The following NAV3 variants were observed in gnomAD, a reference collection of about 807,000 sequenced individuals.
NAV3 encodes neuron navigator 3, also known as pore membrane and/or filament interacting like protein 1.
A neutral mutation model predicts 244.7 loss-of-function variants in NAV3; 87 were observed. The ratio of observed to expected loss-of-function variants is 0.36; its 90% CI spans 0.30 to 0.42. The LOEUF is 0.42. NAV3 is among the 20% of genes least tolerant of loss of function. The probability of loss-of-function intolerance (pLI) is 1.00; values close to 1 mark genes in which losing one functional copy is unlikely to be tolerated. For missense variants in NAV3, 2,663 were observed against 2,893.3 expected (o/e 0.92, Z 1.83); for synonymous variants, 1,126 against 1,042.2 (o/e 1.08, Z -1.55).
intron 2 of NAV3, among the ~76,000 whole-genome samples, chr12:77,603,720 A>C (rs573382291): frequency 3.3e-5 from 5 of 152,180 alleles, no homozygotes; most frequent in African/African-American, 1.2e-4. Flanking sequence ...TGAACCTTGA[A>C]TTGTGGGTGG....
At chr12:77,691,905 C>T (rs1875050608) in intron 2 of NAV3, among the ~76,000 whole-genome samples, 1 of 151,812 alleles carries the variant, frequency 6.6e-6, no homozygotes, top group Non-Finnish European at 1.5e-5. Flanking sequence ...ACATCACTTT[C>T]CTATGTTATA....
At chr12:77,811,771 G>A (rs916066394) in intron 2 of NAV3, among the ~76,000 whole-genome samples, 3 of 152,146 alleles carry the variant, frequency 2.0e-5, no homozygotes, top group African/African-American at 4.8e-5. Flanking sequence ...GTGGATAGGT[G>A]GAAAGAAGGA....
In NAV3 at chr12:77,678,374, C is replaced by T. The variant is rs144191078; in HGVS notation, c.72+106108C>T. Among the ~76,000 whole-genome samples the T allele has an allele frequency of 2.4e-4, 36 of 151,996 alleles. 1 individual carries two copies. The highest frequency in any genetic ancestry group is 6.5e-4 in the African/African-American group (27 of 41,454). ...CACTTAAACTTTTAACGTTTACTAA[C>T]GTATTTTAATGGAAATTATTGTTTC... On this transcript the variant is annotated intron_variant, in intron 2 of 8. Transcript: ENST00000550042.
intron 3 of NAV3, chr12:77,950,920 A>G (rs1207448902): frequency 2.0e-5 from 3 of 152,242 alleles, no homozygotes; most frequent in Admixed American, 1.3e-4. Flanking sequence ...AATTAATTCA[A>G]GATGGATTAA....
intron 19 of NAV3, among the ~76,000 whole-genome samples, chr12:78,139,988 A>G (rs1045266168): frequency 2.6e-5 from 4 of 152,110 alleles, no homozygotes; most frequent in African/African-American, 4.8e-5. Flanking sequence ...TATTTATTAT[A>G]TGGGAATTTA....
chr12:77,690,931 C>T (rs1160233475), intron 2 of NAV3, among the ~76,000 whole-genome samples: 1 of 150,862 alleles, frequency 6.6e-6, no homozygotes, highest in Non-Finnish European at 1.5e-5. Context: ...CTAAGGTCTT[C>T]AAAATGCCTC....
At chr12:77,651,423 T>C (rs568818253) in intron 2 of NAV3, among the ~76,000 whole-genome samples, 1 of 152,314 alleles carries the variant, frequency 6.6e-6, no homozygotes, top group African/African-American at 2.4e-5. Context: ...CCCGTGCCTT[T>C]TTTTTCTTCA....
intron 2 of NAV3, among the ~76,000 whole-genome samples, chr12:77,639,732 G>C (rs1872315342): frequency 6.6e-6 from 1 of 152,156 alleles, no homozygotes; most frequent in Non-Finnish European, 1.5e-5. Flanking sequence ...ACAGGCAATG[G>C]CAGAGACAGA....
intron 1 of NAV3, among the ~76,000 whole-genome samples, chr12:77,880,216 T>C (rs565469935): frequency 6.6e-6 from 1 of 152,112 alleles, no homozygotes; most frequent in Non-Finnish European, 1.5e-5. Context: ...AGTCGCACAA[T>C]TCTGTTTCTC....
intron 2 of NAV3, among the ~76,000 whole-genome samples, chr12:77,762,915 G>C (rs1869557042): frequency 6.6e-6 from 1 of 152,188 alleles, no homozygotes; most frequent in Non-Finnish European, 1.5e-5. Context: ...CTGAGAGGTT[G>C]TTCCTGCACA....
intron 12 of NAV3, among the ~76,000 whole-genome samples, chr12:78,104,991 T>G (rs762502099): frequency 1.2e-4 from 18 of 152,304 alleles, no homozygotes; most frequent in Non-Finnish European, 2.5e-4. Flanking sequence ...TTCACAATGC[T>G]GAGTGTTTGT....
At chr12:78,037,412 G>A (rs763893521) in intron 9 of NAV3, 7 of 677,396 alleles carry the variant, frequency 1.0e-5, no homozygotes, top group Non-Finnish European at 1.9e-5. Flanking sequence ...TCCTAAAAAC[G>A]TGTATGGGAT....
intron 22 of NAV3, among the ~76,000 whole-genome samples, chr12:78,154,303 A>ATATTATATAG (rs1269198303): frequency 7.1e-6 from 1 of 140,500 alleles, no homozygotes; most frequent in Non-Finnish European, 1.5e-5. Context: ...ATATTACTAT[A>ATATTATATAG]TAATATATAG....
chr12:77,930,188 T>C (rs1290008474), intron 1 of NAV3, among the ~76,000 whole-genome samples: 1 of 152,166 alleles, frequency 6.6e-6, no homozygotes, highest in African/African-American at 2.4e-5. Flanking sequence ...TTTGGGATGG[T>C]ATATAAGGAC....
chr12:77,898,600 A>G (rs775002308), intron 1 of NAV3, among the ~76,000 whole-genome samples: 1 of 152,210 alleles, frequency 6.6e-6, no homozygotes, highest in African/African-American at 2.4e-5. Context: ...GATGATAAAC[A>G]TAGGCCTCCT....
intron 1 of NAV3, among the ~76,000 whole-genome samples, chr12:77,877,583 C>G (rs940622350): frequency 1.3e-5 from 2 of 152,044 alleles, no homozygotes; most frequent in African/African-American, 4.8e-5. Flanking sequence ...TAAATAGAAG[C>G]AAGAAACTGG....
At chr12:78,011,326 G>A (rs1341013929) in intron 8 of NAV3, among the ~76,000 whole-genome samples, 1 of 152,114 alleles carries the variant, frequency 6.6e-6, no homozygotes, top group Non-Finnish European at 1.5e-5. Context: ...AAGATACAAA[G>A]ATTTTTTAAA....
chr12:78,021,818 T>C lies in NAV3; in HGVS notation c.1979T>C (p.Leu660Ser). The C allele has an allele frequency of 1.2e-6, 2 of 1,611,284 alleles. No individual in the cohort carries two copies. Among genetic ancestry groups the C allele is most frequent in the South Asian group, 1.1e-5 (1 of 90,926 alleles). Residue 660 changes from leucine to serine, a missense_variant, in exon 9 of 40, where the codon TTA (leucine) becomes TCA (serine). By Grantham distance (145) the Leu-to-Ser change is moderately radical (BLOSUM62 -2). Coordinates refer to ENST00000397909, the MANE Select transcript of NAV3 (RefSeq NM_001024383.2). ...TGTACCAGTCCTACAAAGATGGACT[T>C]ATCATATAGTAAGACTGCTAAGCAG... The part of the protein sequence containing the change: ...DSCTSPTKMD[L>S]SYSKTAKQCL...
At chr12:77,723,215 C>T (rs1876719175) in intron 2 of NAV3, among the ~76,000 whole-genome samples, 1 of 151,998 alleles carries the variant, frequency 6.6e-6, no homozygotes, top group Non-Finnish European at 1.5e-5. Context: ...AACATTTCCT[C>T]AGTCCTCTTT....
Sources: allele counts gnomAD v4.1 joint callset (sites outside exome capture counted in the v4.1 genomes callset), GRCh38; gene constraint gnomAD v4.1.1; transcripts MANE v1.5; gene names NCBI Gene and HGNC (gene_info 2026-07-23, HGNC 2026-07-21).